Variants in FBXW7 observed in about 807,000 individuals in gnomAD.
FBXW7 encodes the protein F-box and WD repeat domain containing 7.
A neutral mutation model predicts 86.3 loss-of-function variants in FBXW7; 11 were observed. The ratio of observed to expected loss-of-function variants is 0.13; its 90% confidence interval spans 0.08 to 0.21. FBXW7 has a LOEUF of 0.21. Among genes scored for constraint, FBXW7 ranks in the 10% least tolerant of loss-of-function variants. FBXW7 has a pLI of 1.00. For missense variants in FBXW7, 488 were observed against 847.4 expected, an observed-to-expected ratio of 0.58 and a Z score of 5.27; for synonymous variants, 313 against 297.9, an observed-to-expected ratio of 1.05 and a Z score of -0.52.
At chr4:152,352,943 C>T in intron 4 of FBXW7, 1 of 1,401,970 alleles carries the variant, frequency 7.1e-7, no homozygotes, top group Non-Finnish European at 9.3e-7. Flanking sequence ...GTGATCCGCT[C>T]CAGGGAACCC....
At chr4:152,492,698 T>C (rs532670454) in intron 2 of FBXW7, among the ~76,000 whole-genome samples, 1 of 152,204 alleles carries the variant, frequency 6.6e-6, no homozygotes, top group South Asian at 2.1e-4. Context: ...ACATAGGAAA[T>C]AAGAGCAAAG....
At position 152,483,591 on chromosome 4, in the gene FBXW7, A is replaced by C. The variant is rs147372215; in HGVS notation, c.-120+51350T>G. Reference sequence around the variant, plus strand: ...GTGGCACACATAGTCCCAGCTACTCACAAGGCTAAGGTGGGAAGATTGCTT... The same window carrying C: ...GTGGCACACATAGTCCCAGCTACTCCCAAGGCTAAGGTGGGAAGATTGCTT... On this transcript the variant is annotated intron_variant, in intron 2 of 13. Transcript: ENST00000281708. 4.7e-3 allele frequency among the ~76,000 whole-genome samples: 720 copies of C among 152,180 alleles called. 9 individuals are homozygous for C. The highest frequency in any genetic ancestry group is 0.017 in the African/African-American group (700 of 41,526).
At chr4:152,414,985 T>A (rs2126893216) in intron 2 of FBXW7, among the ~76,000 whole-genome samples, 1 of 152,146 alleles carries the variant, frequency 6.6e-6, no homozygotes, top group Admixed American at 6.6e-5. Flanking sequence ...GGGAGGGGGG[T>A]GTATTTTAGA....
At chr4:152,458,296 G>A (rs1292792189) in intron 2 of FBXW7, among the ~76,000 whole-genome samples, 2 of 152,246 alleles carry the variant, frequency 1.3e-5, no homozygotes, top group Non-Finnish European at 2.9e-5. Flanking sequence ...TGGGATTACA[G>A]GCGTGAGCCA....
At chr4:152,393,379 T>C (rs1278952994) in intron 4 of FBXW7, among the ~76,000 whole-genome samples, 4 of 152,030 alleles carry the variant, frequency 2.6e-5, no homozygotes, top group Non-Finnish European at 5.9e-5. Flanking sequence ...AAATGTAAGA[T>C]TAGTGATAAT....
chr4:152,438,194 T>C (rs1347344302), intron 2 of FBXW7, among the ~76,000 whole-genome samples: 4 of 152,098 alleles, frequency 2.6e-5, no homozygotes, highest in African/African-American at 9.7e-5. Flanking sequence ...AATAGTAAAG[T>C]ATTTTTTAGT....
At chr4:152,443,123 G>A (rs1030637790) in intron 2 of FBXW7, among the ~76,000 whole-genome samples, 1 of 152,064 alleles carries the variant, frequency 6.6e-6, no homozygotes, top group Non-Finnish European at 1.5e-5. Context: ...TTAGCCGGGC[G>A]TGGTGGTGCA....
chr4:152,355,860 T>C (rs1314982014), intron 4 of FBXW7, among the ~76,000 whole-genome samples: 2 of 152,104 alleles, frequency 1.3e-5, no homozygotes, highest in Non-Finnish European at 2.9e-5. Context: ...AATGATGCCA[T>C]AGAATCATTA....
chr4:152,516,555 C>T (rs114158350), intron 2 of FBXW7, among the ~76,000 whole-genome samples: 194 of 152,322 alleles, frequency 1.3e-3, no homozygotes, highest in African/African-American at 4.5e-3. Flanking sequence ...TAATACCATA[C>T]AGATGACCAT....
intron 2 of FBXW7, among the ~76,000 whole-genome samples, chr4:152,422,947 A>C (rs1209976889): frequency 6.6e-6 from 1 of 152,034 alleles, no homozygotes; most frequent in Non-Finnish European, 1.5e-5. Context: ...CTTTTTCTTA[A>C]AATTTATGTT....
At chr4:152,481,282 C>T (rs1225427967) in intron 2 of FBXW7, among the ~76,000 whole-genome samples, 1 of 152,072 alleles carries the variant, frequency 6.6e-6, no homozygotes, top group Non-Finnish European at 1.5e-5. Flanking sequence ...CATGGTTTGC[C>T]GAATATTTTA....
At chr4:152,462,433 C>G (rs1743034452) in intron 2 of FBXW7, among the ~76,000 whole-genome samples, 1 of 152,184 alleles carries the variant, frequency 6.6e-6, no homozygotes, top group African/African-American at 2.4e-5. Flanking sequence ...GGGGTCTCCC[C>G]TATGCATGTA....
chr4:152,385,784 A>C (rs1297675976), intron 4 of FBXW7, among the ~76,000 whole-genome samples: 2 of 152,098 alleles, frequency 1.3e-5, no homozygotes, highest in Non-Finnish European at 2.9e-5. Flanking sequence ...CCTCAACTGG[A>C]TAATACAGGG....
intron 2 of FBXW7, among the ~76,000 whole-genome samples, chr4:152,451,378 A>C (rs879618790): frequency 3.7e-4 from 57 of 152,228 alleles, no homozygotes; most frequent in African/African-American, 1.4e-3. Flanking sequence ...ACTTCTCTTA[A>C]ATGGTAGTCT....
intron 2 of FBXW7, among the ~76,000 whole-genome samples, chr4:152,417,274 A>T (rs1738521102): frequency 6.6e-6 from 1 of 152,214 alleles, no homozygotes; most frequent in South Asian, 2.1e-4. Context: ...CACATACGTA[A>T]GGCCCAAATT....
chr4:152,462,387 G>A (rs1277208972), intron 2 of FBXW7, among the ~76,000 whole-genome samples: 1 of 152,164 alleles, frequency 6.6e-6, no homozygotes, highest in Non-Finnish European at 1.5e-5. Context: ...AGCAGATTCC[G>A]CTCTTGTTTC....
In FBXW7 at chr4:152,518,654, A is replaced by G. The variant is rs537981472; in HGVS notation, c.-120+16287T>C. On this transcript the variant is annotated intron_variant, in intron 2 of 13. Transcript: ENST00000281708. The stretch of plus-strand genomic sequence containing the variant: ...TTTTGATAAAATTTTATAAAGGCAT[A>G]TAATTAAAATTTCTGAAAAGGGCAA... Among the ~76,000 whole-genome samples the G allele has an allele frequency of 2.0e-5, 3 of 152,350 alleles. No individual in the cohort carries two copies. In the East Asian group the frequency reaches 5.8e-4, roughly 29 times the overall value.
At chr4:152,516,334 A>G (rs945633023) in intron 2 of FBXW7, among the ~76,000 whole-genome samples, 2 of 151,580 alleles carry the variant, frequency 1.3e-5, no homozygotes, top group Non-Finnish European at 2.9e-5. Context: ...CTGTGGCATT[A>G]GAGTCTCATA....
At chr4:152,533,882 A>T (rs1467818175) in intron 2 of FBXW7, among the ~76,000 whole-genome samples, 1 of 152,224 alleles carries the variant, frequency 6.6e-6, no homozygotes, top group Non-Finnish European at 1.5e-5. Context: ...AGATAACCCC[A>T]GGCTTACATT....
Sources: allele counts gnomAD v4.1 joint callset (sites outside exome capture counted in the v4.1 genomes callset), GRCh38; gene constraint gnomAD v4.1.1; transcripts MANE v1.5; gene names NCBI Gene and HGNC (gene_info 2026-07-23, HGNC 2026-07-21).